SNTB1: variants seen among roughly 807,000 people sequenced by gnomAD.
SNTB1 encodes syntrophin beta 1, also known as beta-1-syntrophin.
In SNTB1, 36 loss-of-function variants were observed where a neutral mutation model predicts 48.9. That is an observed-to-expected ratio of 0.74 (90% CI 0.56 to 0.97). SNTB1 has a LOEUF of 0.97. SNTB1 is among the 50% of genes least tolerant of loss of function. The pLI is 0.00. For missense variants in SNTB1, 786 were observed against 703.4 expected (o/e 1.12, Z -1.33); for synonymous variants, 299 against 294.6 (o/e 1.01, Z -0.15).
At chr8:120,766,828 A>G (rs1819534001) in intron 1 of SNTB1, among the ~76,000 whole-genome samples, 1 of 152,346 alleles carries the variant, frequency 6.6e-6, no homozygotes, top group East Asian at 1.9e-4. Flanking sequence ...TGGAGCTTAC[A>G]CATTGGGGTT....
intron 4 of SNTB1, among the ~76,000 whole-genome samples, chr8:120,565,540 T>C (rs1326071639): frequency 6.6e-6 from 1 of 151,980 alleles, no homozygotes; most frequent in African/African-American, 2.4e-5. Flanking sequence ...AAAATAAAGC[T>C]AGGAAAGAAT....
At chr8:120,746,068 A>G (rs1819120843) in intron 1 of SNTB1, among the ~76,000 whole-genome samples, 1 of 151,746 alleles carries the variant, frequency 6.6e-6, no homozygotes, top group South Asian at 2.1e-4. Flanking sequence ...GCCACTGCAG[A>G]GTTGAGCAGA....
At chr8:120,543,959 A>T (rs1204379039) in intron 5 of SNTB1, among the ~76,000 whole-genome samples, 5 of 144,676 alleles carry the variant, frequency 3.5e-5, no homozygotes, top group Non-Finnish European at 3.0e-5. Flanking sequence ...TGACCCCTCC[A>T]TTTTTTTTTT....
At chr8:120,597,343 A>G (rs2130714658) in intron 3 of SNTB1, among the ~76,000 whole-genome samples, 1 of 152,352 alleles carries the variant, frequency 6.6e-6, no homozygotes, top group East Asian at 1.9e-4. Context: ...GTTTTAAGCC[A>G]CTGGGTTTGT....
rs936384631 is a variant in SNTB1, at chr8:120,812,045, C to G, written c.-202G>C. 1.6e-6 allele frequency: 2 copies of G among 1,252,282 alleles called. No homozygotes were observed. The highest frequency in any genetic ancestry group is 3.1e-5 in the African/African-American group (2 of 63,712). 77.6% of individuals were successfully genotyped at this position (1,252,282 alleles called of 1,614,324 possible). On this transcript the variant is annotated 5_prime_UTR_variant, in exon 1 of 7. Transcript: ENST00000517992. ...TGCACTCAGGCTGGTTCCCCCTCGC[C>G]TGATCCTGACCGGGGTGGAGCAACC...
chr8:120,600,623 T>G (rs1250696565), intron 3 of SNTB1, among the ~76,000 whole-genome samples: 1 of 152,186 alleles, frequency 6.6e-6, no homozygotes, highest in Non-Finnish European at 1.5e-5. Context: ...CTTACTTGTC[T>G]TTTATTCCAT....
chr8:120,557,554 T>A (rs1184789562), intron 4 of SNTB1, among the ~76,000 whole-genome samples: 1 of 152,228 alleles, frequency 6.6e-6, no homozygotes, highest in Non-Finnish European at 1.5e-5. Flanking sequence ...AGCAAAGTGA[T>A]CTACTGGAGC....
intron 1 of SNTB1, among the ~76,000 whole-genome samples, chr8:120,699,182 C>T (rs778801548): frequency 3.3e-5 from 5 of 152,252 alleles, no homozygotes; most frequent in Middle Eastern, 3.4e-3. Context: ...GTAGGAAAGA[C>T]GAAGAAGTGA....
At chr8:120,616,583 C>G (rs547041386) in intron 3 of SNTB1, among the ~76,000 whole-genome samples, 1 of 151,400 alleles carries the variant, frequency 6.6e-6, no homozygotes, top group South Asian at 2.1e-4. Flanking sequence ...TCCCAAAGTG[C>G]TGGGATTGCA....
In SNTB1 at chr8:120,710,678, C is replaced by T. The variant is rs976793131; in HGVS notation, c.572-16770G>A. Among the ~76,000 whole-genome samples, 6 of 152,172 alleles carry T rather than the reference C, an allele frequency of 3.9e-5. No homozygotes were observed. The South Asian group carries it at 1.2e-3, about 32-fold the overall frequency. On this transcript the variant is annotated intron_variant, in intron 1 of 6. Coordinates refer to ENST00000517992, the MANE Select transcript of SNTB1 (RefSeq NM_021021.4). Reference sequence around the variant, plus strand: ...CCTTCTGCCTTCTGCCATGTGAGAACACAGCATTCATTCCCTCTGGAGGAC... The same window carrying T: ...CCTTCTGCCTTCTGCCATGTGAGAATACAGCATTCATTCCCTCTGGAGGAC...
chr8:120,744,671 GAATA>G (rs915920055), intron 1 of SNTB1, among the ~76,000 whole-genome samples: 1 of 152,032 alleles, frequency 6.6e-6, no homozygotes, highest in Non-Finnish European at 1.5e-5. Flanking sequence ...AGGAAACTTT[GAATA>G]GATACTAAAC....
intron 2 of SNTB1, among the ~76,000 whole-genome samples, chr8:120,691,789 C>A (rs1207090214): frequency 6.6e-6 from 1 of 152,132 alleles, no homozygotes; most frequent in African/African-American, 2.4e-5. Flanking sequence ...CATAGGCTGC[C>A]ACTTTGCAGT....
chr8:120,643,269 T>C (rs58992112), intron 2 of SNTB1, among the ~76,000 whole-genome samples: 9,293 of 152,284 alleles, frequency 0.061, 682 homozygotes, highest in East Asian at 0.34. Context: ...TGTTATTGTT[T>C]CTCTGATTTT....
chr8:120,744,224 A>C (rs1415315274), intron 1 of SNTB1, among the ~76,000 whole-genome samples: 1 of 151,848 alleles, frequency 6.6e-6, no homozygotes, highest in Non-Finnish European at 1.5e-5. Flanking sequence ...TGGGAAGAGA[A>C]GCTGATTAAA....
intron 3 of SNTB1, among the ~76,000 whole-genome samples, chr8:120,604,183 G>A (rs1816472640): frequency 6.6e-6 from 1 of 152,314 alleles, no homozygotes; most frequent in Admixed American, 6.5e-5. Context: ...CCTGGGAATT[G>A]GAGAGCCATC....
rs1054699851 is a variant in SNTB1, at chr8:120,536,281, A to T, written c.*2596T>A. 3.3e-5 allele frequency: 5 copies of T among 152,194 alleles called. No homozygotes were observed. Among genetic ancestry groups the T allele is most frequent in the African/African-American group, 1.2e-4 (5 of 41,458 alleles). 9.4% of individuals were successfully genotyped at this position (152,194 alleles called of 1,614,324 possible). On this transcript the variant is annotated 3_prime_UTR_variant, in exon 7 of 7. Transcript: ENST00000517992. ...ACAGATTAAAACATCATTCATTTAT[A>T]TTGGTTTTCATTTGGGGACAAACAT...
chr8:120,686,787 T>C (rs1818042472), intron 2 of SNTB1, among the ~76,000 whole-genome samples: 1 of 152,220 alleles, frequency 6.6e-6, no homozygotes, highest in Non-Finnish European at 1.5e-5. Context: ...TGTTTTTACA[T>C]ATGTAAAACA....
chr8:120,764,042 AG>A (rs1216676408), intron 1 of SNTB1, among the ~76,000 whole-genome samples: 3 of 152,234 alleles, frequency 2.0e-5, no homozygotes, highest in African/African-American at 7.2e-5. Context: ...CAAAGTCATA[AG>A]GTCAAATGCC....
At chr8:120,597,579 A>G (rs146180002) in intron 3 of SNTB1, among the ~76,000 whole-genome samples, 6 of 152,384 alleles carry the variant, frequency 3.9e-5, no homozygotes, top group African/African-American at 9.6e-5. Context: ...CAAGAAAACC[A>G]CAAAGAAGGA....
Sources: gnomAD v4.1 joint callset for allele counts (sites outside exome capture counted in the v4.1 genomes callset) on GRCh38, gnomAD v4.1.1 for gene constraint, MANE v1.5 for transcripts, NCBI Gene and HGNC (gene_info 2026-07-23, HGNC 2026-07-21) for gene names.